LDB1: variants seen among roughly 807,000 people sequenced by gnomAD.
The protein encoded by LDB1 is LIM domain binding 1.
A neutral mutation model predicts 49.7 loss-of-function variants in LDB1; 6 were observed. The ratio of observed to expected loss-of-function variants is 0.12; its 90% CI spans 0.07 to 0.24. The LOEUF is 0.24. Ranked by LOEUF, LDB1 falls within the 10% of genes least tolerant of loss-of-function variation. The pLI is 1.00. For synonymous variants in LDB1, 233 were observed against 202.0 expected (o/e 1.15, Z -1.30); for missense variants, 341 against 561.7 (o/e 0.61, Z 3.97).
chr10:102,106,465 C>T (rs117960089), downstream of LDB1, among the ~76,000 whole-genome samples: 349 of 132,556 alleles, frequency 2.6e-3, 3 homozygotes, highest in Admixed American at 0.021. Flanking sequence ...CATTATTAGG[C>T]ATCAATGACC....
chr10:102,104,077 A>T (rs551098217), downstream of LDB1, among the ~76,000 whole-genome samples: 1 of 151,610 alleles, frequency 6.6e-6, no homozygotes, highest in Admixed American at 6.6e-5. Flanking sequence ...AAAAAAAAAG[A>T]AGTCAGGCTG....
chr10:102,114,384 C>T (rs1590287233), intron 1 of LDB1: 7 of 986,418 alleles, frequency 7.1e-6, no homozygotes, highest in Non-Finnish European at 7.2e-6. Flanking sequence ...CCCCAACAGG[C>T]TCGCAGGGTG....
chr10:102,121,418 TG>T (rs1189468373), upstream of LDB1, among the ~76,000 whole-genome samples: 1 of 151,988 alleles, frequency 6.6e-6, no homozygotes, highest in Admixed American at 6.5e-5. Flanking sequence ...CTGTGGGCCG[TG>T]GGGGGTTGGA....
rs777272483 is a variant in LDB1 at position 102,111,459 on chromosome 10, C to A, written c.103G>T (p.Gly35Cys). 2 of 1,570,348 alleles carry A rather than the reference C, an allele frequency of 1.3e-6. No homozygotes were observed. Among genetic ancestry groups the A allele is most frequent in the Non-Finnish European group, 1.7e-6 (2 of 1,156,230 alleles). Residue 35 changes from glycine (G) to cysteine (C), a missense_variant, in exon 2 of 11, where the codon GGC becomes TGC. Physicochemically the swap from Gly to Cys is radical, Grantham distance 159 (BLOSUM62 -3). This residue lies in a region of LDB1 where 48 missense variants were observed against 43.9 expected (regional missense o/e 1.09). Coordinates refer to ENST00000673968, the MANE Select transcript of LDB1 (RefSeq NM_001113407.3). Reference sequence around the variant, plus strand: ...CCCACATCCCTATCCAGCATGGTGCCGGGATGGAAGGGGGGAAAGGCGTTG... The same window carrying A: ...CCCACATCCCTATCCAGCATGGTGCAGGGATGGAAGGGGGGAAAGGCGTTG... Reference protein sequence around the residue: ...NGNAFPPFHPGTMLDRDVGPT... With the variant: ...NGNAFPPFHPCTMLDRDVGPT...
At chr10:102,108,505 G>A (rs568710889) in intron 10 of LDB1, among the ~76,000 whole-genome samples, 182 bp from the exon 11 acceptor site, 25 of 151,612 alleles carry the variant, frequency 1.6e-4, no homozygotes, top group African/African-American at 5.6e-4. Context: ...TCCTACTGAA[G>A]AACACCAGAG....
chr10:102,110,339 G>A lies in LDB1; in HGVS notation c.525+190C>T, dbSNP rs1280320295. 6 of 661,330 alleles carry A rather than the reference G, an allele frequency of 9.1e-6. No homozygotes were observed. The East Asian group carries it at 1.4e-4, about 15-fold the overall frequency. 41.0% of individuals were successfully genotyped at this position (661,330 alleles called of 1,614,324 possible). On this transcript the variant is annotated intron_variant, in intron 6 of 10. Transcript: ENST00000673968. Reference sequence around the variant, plus strand: ...GACTCTTGTTCACTCGTGTAGCCTTGGGGCCCAGAAAACTATCCCATACAA... The same window carrying A: ...GACTCTTGTTCACTCGTGTAGCCTTAGGGCCCAGAAAACTATCCCATACAA...
At chr10:102,120,630 C>T (rs1176604274), upstream of LDB1, among the ~76,000 whole-genome samples, 1 of 152,144 alleles carries the variant, frequency 6.6e-6, no homozygotes, top group Non-Finnish European at 1.5e-5. Flanking sequence ...CGGCGAGGGG[C>T]TGGGAGCGCT....
chr10:102,107,975 CG>C lies in LDB1; in HGVS notation c.*117del. 1 of 831,202 alleles carries C rather than the reference CG, an allele frequency of 1.2e-6. No homozygotes were observed. Among genetic ancestry groups the C allele is most frequent in the Non-Finnish European group, 2.0e-6 (1 of 506,082 alleles). 51.5% of individuals were successfully genotyped at this position (831,202 alleles called of 1,614,324 possible). ...CAGAGAGTCCAGTTCCTCCCTGAAG[CG>C]GGTGGATGGAGGCTGCCCATTTTAG... On this transcript the variant is annotated 3_prime_UTR_variant, in exon 11 of 11. Coordinates refer to ENST00000673968, the MANE Select transcript of LDB1 (RefSeq NM_001113407.3).
Position 102,109,785 on chromosome 10 carries a change from C to CT in LDB1, c.649-103dup. 6.5e-7 allele frequency: 1 copy of CT among 1,550,192 alleles called. No individual in the cohort carries two copies. Among genetic ancestry groups the CT allele is most frequent in the South Asian group, 1.1e-5 (1 of 88,330 alleles). On this transcript the variant is annotated intron_variant, in intron 7 of 10. Coordinates refer to ENST00000673968, the MANE Select transcript of LDB1 (RefSeq NM_001113407.3). The surrounding 1 kb of genome is among the most constrained non-coding windows in gnomAD (Gnocchi z 5.8). ...TGTGACACTCCTGAGAGAGGATAGT[C>CT]TCTTATTAAACCTGCTGTTCAGATG...
At chr10:102,111,005 T>C (rs749420120) in intron 4 of LDB1, 34 bp from the exon 5 acceptor site, 2 of 1,611,560 alleles carry the variant, frequency 1.2e-6, no homozygotes, top group East Asian at 4.5e-5. Context: ...TCATGTGTCA[T>C]AAGATATCCC....
chr10:102,110,041 C>T lies in LDB1; in HGVS notation c.528G>A (p.Val176=), dbSNP rs752933203. 2.5e-6 allele frequency: 4 copies of T among 1,612,332 alleles called. No individual in the cohort carries two copies. Among genetic ancestry groups the T allele is most frequent in the African/African-American group, 1.3e-5 (1 of 74,856 alleles). ...TQHGKPMFTQ[V]CVEGRLYLEF... ...CCAGGTACAACCGGCCCTCCACACACACCTGGGGACAGGCTTGTCAGAACC... is the reference window on the plus strand; with the variant it reads ...CCAGGTACAACCGGCCCTCCACACATACCTGGGGACAGGCTTGTCAGAACC... Residue 176 remains valine, a splice_region_variant and synonymous_variant, in exon 7 of 11, where the codon GTG becomes GTA. Transcript: ENST00000673968.
At chr10:102,119,304 C>A (rs910351124) in intron 1 of LDB1, among the ~76,000 whole-genome samples, 3 of 151,790 alleles carry the variant, frequency 2.0e-5, no homozygotes, top group Admixed American at 6.6e-5. Flanking sequence ...CTCCGCCCCC[C>A]CCACCTGCCC....
In LDB1 at chr10:102,109,575, A is replaced by T; in HGVS notation, c.732+25T>A. ...GAGCCGAGACTAAATGGACTGGGGC[A>T]GAAACTGGGTGGTCGGAGACTCACT... On this transcript the variant is annotated intron_variant, in intron 8 of 10. Coordinates refer to ENST00000673968, the MANE Select transcript of LDB1 (RefSeq NM_001113407.3). The surrounding 1 kb of genome is among the most constrained non-coding windows in gnomAD (Gnocchi z 5.8). 1.9e-6 allele frequency: 3 copies of T among 1,614,084 alleles called. No homozygotes were observed. Among genetic ancestry groups the T allele is most frequent in the Non-Finnish European group, 2.5e-6 (3 of 1,179,962 alleles).
In LDB1 at chr10:102,110,556, G is replaced by T. The variant is rs947319104; in HGVS notation, c.498C>A (p.Thr166=). 12 of 1,613,346 alleles carry T rather than the reference G, an allele frequency of 7.4e-6. No individual in the cohort carries two copies. The highest frequency in any genetic ancestry group is 1.0e-5 in the Non-Finnish European group (12 of 1,179,670). Reference sequence around the variant, plus strand: ...GGGTGAACATGGGCTTGCCATGCTGGGTCACCATGCTGCCCTGGTCACAGT... The same window carrying T: ...GGGTGAACATGGGCTTGCCATGCTGTGTCACCATGCTGCCCTGGTCACAGT... ...SLDCDQGSMV[T]QHGKPMFTQV... The change falls in exon 6 of 11, where the codon ACC becomes ACA. Residue 166 remains threonine (T), a synonymous_variant. Transcript: ENST00000673968.
rs771607702 is a variant in LDB1 at position 102,111,317 on chromosome 10, G to A, written c.129-17C>T. ...GGAGTTGGGCTGTGTAAAGGAAGAG[G>A]CTATGAGAATGGGGGTTGAAGATAG... On this transcript the variant is annotated splice_polypyrimidine_tract_variant and intron_variant, in intron 2 of 10. Transcript: ENST00000673968. 6.2e-7 allele frequency: 1 copy of A among 1,613,692 alleles called. No individual in the cohort carries two copies. Among genetic ancestry groups the A allele is most frequent in the Non-Finnish European group, 8.5e-7 (1 of 1,179,612 alleles).
At chr10:102,110,297 T>G in intron 6 of LDB1, 1 of 624,104 alleles carries the variant, frequency 1.6e-6, no homozygotes, top group Non-Finnish European at 2.8e-6. Context: ...CCACCTGCTC[T>G]AAGCTATATG....
At position 102,109,901 on chromosome 10, in the gene LDB1, G is replaced by T; in HGVS notation, c.648+20C>A. On this transcript the variant is annotated intron_variant, in intron 7 of 10. Coordinates refer to ENST00000673968, the MANE Select transcript of LDB1 (RefSeq NM_001113407.3). This position sits in a 1 kb window ranked among gnomAD's most constrained non-coding sequence, Gnocchi z 5.8. Reference sequence around the variant, plus strand: ...CCGCCTGCCTTCACTCTTGCATCCTGGGTCCTGCCCACGACTCACATGCAT... The same window carrying T: ...CCGCCTGCCTTCACTCTTGCATCCTTGGTCCTGCCCACGACTCACATGCAT... 1 of 1,604,682 alleles carries T rather than the reference G, an allele frequency of 6.2e-7. No individual in the cohort carries two copies.
downstream of LDB1, among the ~76,000 whole-genome samples, chr10:102,103,869 A>C (rs959438955): frequency 9.9e-5 from 15 of 151,638 alleles, no homozygotes; most frequent in African/African-American, 3.6e-4. Context: ...CTAGTCTTGA[A>C]CTCCTGATAT....
downstream of LDB1, among the ~76,000 whole-genome samples, chr10:102,102,439 C>T (rs1429473857): frequency 6.6e-6 from 1 of 152,176 alleles, no homozygotes; most frequent in African/African-American, 2.4e-5. Context: ...GGACTTTTCT[C>T]CAGGGACTGG....
Sources: gnomAD v4.1 joint callset for allele counts (sites outside exome capture counted in the v4.1 genomes callset) on GRCh38, gnomAD v4.1.1 for gene constraint, gnomAD v4.1.1 regional missense constraint, Gnocchi (gnomAD v3.1) non-coding constraint, MANE v1.5 for transcripts, NCBI Gene and HGNC (gene_info 2026-07-23, HGNC 2026-07-21) for gene names.